RPS6KA5: variants seen among roughly 807,000 people sequenced by gnomAD.
The protein encoded by RPS6KA5 is ribosomal protein S6 kinase A5, also known as ribosomal protein S6 kinase alpha-5.
Under a neutral mutation model 85.5 loss-of-function variants are expected in RPS6KA5, and 27 were observed. The observed-to-expected ratio is 0.32, with a 90% CI of 0.23 to 0.44. RPS6KA5 has a LOEUF of 0.44. Among genes scored for constraint, RPS6KA5 ranks in the 20% least tolerant of loss-of-function variants. The probability of loss-of-function intolerance (pLI) is 1.00; values close to 1 mark genes in which losing one functional copy is unlikely to be tolerated. For missense variants in RPS6KA5, 811 were observed against 980.9 expected, an observed-to-expected ratio of 0.83 and a Z score of 2.31; for synonymous variants, 334 against 348.2, an observed-to-expected ratio of 0.96 and a Z score of 0.46.
intron 5 of RPS6KA5, among the ~76,000 whole-genome samples, chr14:90,935,791 G>T (rs2037221270): frequency 6.6e-6 from 1 of 152,106 alleles, no homozygotes; most frequent in Admixed American, 6.5e-5. Context: ...TCTACCTGGG[G>T]ATTCGTGTTA....
At chr14:91,001,759 G>A (rs953380649) in intron 1 of RPS6KA5, among the ~76,000 whole-genome samples, 1 of 152,116 alleles carries the variant, frequency 6.6e-6, no homozygotes, top group Admixed American at 6.5e-5. Context: ...ACTCTTCAAA[G>A]ATATATTGTC....
chr14:90,883,046 C>T (rs2033960999), intron 14 of RPS6KA5, among the ~76,000 whole-genome samples: 1 of 152,122 alleles, frequency 6.6e-6, no homozygotes. Flanking sequence ...GATCAGCCCA[C>T]CTCGGCCTCC....
At chr14:90,882,598 G>A (rs192836154) in intron 14 of RPS6KA5, among the ~76,000 whole-genome samples, 3 of 152,176 alleles carry the variant, frequency 2.0e-5, no homozygotes, top group East Asian at 1.9e-4. Context: ...AGCTTCTTAC[G>A]GATCTAGAAA....
chr14:90,959,103 A>G (rs1347071950), intron 3 of RPS6KA5, among the ~76,000 whole-genome samples: 1 of 152,112 alleles, frequency 6.6e-6, no homozygotes, highest in East Asian at 1.9e-4. Context: ...AGAGTGAATG[A>G]GGGAGAAGCA....
intron 2 of RPS6KA5, among the ~76,000 whole-genome samples, chr14:90,992,530 T>C (rs925802748): frequency 6.6e-6 from 1 of 152,226 alleles, no homozygotes; most frequent in Admixed American, 6.5e-5. Flanking sequence ...CTATATAAAT[T>C]TGATATTAAA....
chr14:90,901,312 A>G (rs2035156494), intron 9 of RPS6KA5, among the ~76,000 whole-genome samples: 1 of 152,072 alleles, frequency 6.6e-6, no homozygotes, highest in Admixed American at 6.5e-5. Context: ...CCCTGACCTC[A>G]AGTGATCAAC....
chr14:90,996,198 T>G (rs2040514346), intron 2 of RPS6KA5, among the ~76,000 whole-genome samples: 1 of 151,832 alleles, frequency 6.6e-6, no homozygotes, highest in African/African-American at 2.4e-5. Context: ...TTTTTGTTTT[T>G]TTTTTTGTTT....
In RPS6KA5 at chr14:91,060,593, C is replaced by T; in HGVS notation, c.-159G>A. ...GAGTCTCTTTCCCGCTCTGGCCGCACGGCTCGCTCCTCGCCTCCTCCCCCT... is the reference window on the plus strand; with the variant it reads ...GAGTCTCTTTCCCGCTCTGGCCGCATGGCTCGCTCCTCGCCTCCTCCCCCT... On this transcript the variant is annotated 5_prime_UTR_variant, in exon 1 of 17. In the 5' UTR this introduces an upstream ATG that the reference lacks. Coordinates refer to ENST00000614987, the MANE Select transcript of RPS6KA5 (RefSeq NM_004755.4). 1 of 1,006,038 alleles carries T rather than the reference C, an allele frequency of 9.9e-7. No homozygotes were observed. The allele number at this position is 1,006,038 out of a possible 1,614,324, so 62.3% of individuals were successfully genotyped here. A position where few individuals can be genotyped will look rare whatever the true frequency, so the allele number is the denominator to read the frequency against.
At chr14:91,052,820 G>A (rs1374497042) in intron 1 of RPS6KA5, among the ~76,000 whole-genome samples, 1 of 128,618 alleles carries the variant, frequency 7.8e-6, no homozygotes, top group Non-Finnish European at 1.6e-5. Flanking sequence ...GGAACAGAGC[G>A]AGACTCCATC....
At chr14:90,984,599 A>G (rs2039979706) in intron 2 of RPS6KA5, among the ~76,000 whole-genome samples, 1 of 152,232 alleles carries the variant, frequency 6.6e-6, no homozygotes, top group African/African-American at 2.4e-5. Context: ...TGGCTTGACG[A>G]TAAGAAATAA....
chr14:90,905,795 A>G (rs1327305711), intron 8 of RPS6KA5, among the ~76,000 whole-genome samples: 2 of 152,232 alleles, frequency 1.3e-5, no homozygotes, highest in African/African-American at 4.8e-5. Context: ...ACAGAAGTGA[A>G]AAGTACAGTA....
At chr14:90,942,116 ATATT>A (rs1417662166) in intron 5 of RPS6KA5, among the ~76,000 whole-genome samples, 1 of 152,182 alleles carries the variant, frequency 6.6e-6, no homozygotes, top group Non-Finnish European at 1.5e-5. Context: ...GGATAAATAA[ATATT>A]TATTTTATAA....
At chr14:90,927,587 A>G (rs1056031392) in intron 5 of RPS6KA5, among the ~76,000 whole-genome samples, 17 of 152,276 alleles carry the variant, frequency 1.1e-4, no homozygotes, top group African/African-American at 4.1e-4. Context: ...ACTTTAAGGC[A>G]AAAGAATTAT....
chr14:90,917,325 CTGGAAAA>C (rs200302975), intron 7 of RPS6KA5, among the ~76,000 whole-genome samples: 3,110 of 152,026 alleles, frequency 0.02, 45 homozygotes, highest in Middle Eastern at 0.034. Flanking sequence ...CTAGCCTGTC[CTGGAAAA>C]GGTACACTTT....
intron 1 of RPS6KA5, among the ~76,000 whole-genome samples, chr14:91,025,864 CAG>C (rs776901308): frequency 2.2e-4 from 33 of 150,244 alleles, no homozygotes; most frequent in Non-Finnish European, 4.6e-4. Context: ...ATTTTAGATT[CAG>C]GGGGTACCTG....
intron 7 of RPS6KA5, among the ~76,000 whole-genome samples, chr14:90,909,932 T>C (rs2035709792): frequency 1.3e-5 from 2 of 152,140 alleles, no homozygotes; most frequent in Non-Finnish European, 2.9e-5. Flanking sequence ...CCCACCACCA[T>C]GCCTGGCTAA....
intron 12 of RPS6KA5, among the ~76,000 whole-genome samples, chr14:90,898,796 A>G (rs893186134): frequency 6.6e-6 from 1 of 152,240 alleles, no homozygotes; most frequent in African/African-American, 2.4e-5. Flanking sequence ...AGAGCAGAAG[A>G]GGGGGCAGCA....
chr14:91,046,508 G>C (rs2042878982), intron 1 of RPS6KA5, among the ~76,000 whole-genome samples: 1 of 152,188 alleles, frequency 6.6e-6, no homozygotes, highest in Non-Finnish European at 1.5e-5. Flanking sequence ...TCTTCATGCA[G>C]CATCATATTT....
chr14:90,906,055 C>T (rs919821047), intron 8 of RPS6KA5, 94 bp downstream of exon 8: 4 of 1,226,312 alleles, frequency 3.3e-6, no homozygotes, highest in Middle Eastern at 2.0e-4. Flanking sequence ...AAAATGATCC[C>T]AAAGGGGACT....
Sources: gnomAD v4.1 joint callset for allele counts (sites outside exome capture counted in the v4.1 genomes callset) on GRCh38, gnomAD v4.1.1 for gene constraint, MANE v1.5 for transcripts, NCBI Gene and HGNC (gene_info 2026-07-23, HGNC 2026-07-21) for gene names.